Variants in PXDNL observed in about 807,000 individuals in gnomAD.
PXDNL encodes the protein probable oxidoreductase PXDNL.
A neutral mutation model predicts 150.8 loss-of-function variants in PXDNL; 145 were observed. The ratio of observed to expected loss-of-function variants is 0.96; its 90% CI spans 0.84 to 1.10. The LOEUF is 1.10. PXDNL is among the 50% of genes least tolerant of loss of function. The pLI, the probability that PXDNL is intolerant of heterozygous loss-of-function variation, is 0.00. For missense variants in PXDNL, 2,087 were observed against 1,873.9 expected, an observed-to-expected ratio of 1.11 and a Z score of -2.10; for synonymous variants, 757 against 725.7, an observed-to-expected ratio of 1.04 and a Z score of -0.69.
At chr8:51,585,364 A>G (rs1813300396) in intron 3 of PXDNL, among the ~76,000 whole-genome samples, 1 of 152,060 alleles carries the variant, frequency 6.6e-6, no homozygotes, top group South Asian at 2.1e-4. Context: ...CACCTCAGGG[A>G]GGTGTAAAGT....
chr8:51,353,110 A>G (rs895150635), intron 19 of PXDNL, among the ~76,000 whole-genome samples: 7 of 151,676 alleles, frequency 4.6e-5, no homozygotes, highest in Admixed American at 2.6e-4. Flanking sequence ...TCTCTTTGTC[A>G]TTATTGGAAA....
At chr8:51,452,619 C>A (rs1809830477) in intron 10 of PXDNL, among the ~76,000 whole-genome samples, 1 of 152,192 alleles carries the variant, frequency 6.6e-6, no homozygotes, top group Non-Finnish European at 1.5e-5. Flanking sequence ...CCAACCCAGG[C>A]ACTGCACTAG....
At chr8:51,350,341 G>A (rs1806306714) in intron 19 of PXDNL, among the ~76,000 whole-genome samples, 1 of 117,114 alleles carries the variant, frequency 8.5e-6, no homozygotes, top group African/African-American at 3.0e-5. Context: ...TCTTTTATTA[G>A]CAAATGCAGC....
chr8:51,451,323 A>G (rs1809804589), intron 10 of PXDNL, among the ~76,000 whole-genome samples: 1 of 152,206 alleles, frequency 6.6e-6, no homozygotes. Context: ...TGTTTCTAAC[A>G]CTAAAATGAG....
At chr8:51,424,210 A>T (rs968210319) in intron 13 of PXDNL, among the ~76,000 whole-genome samples, 5 of 152,098 alleles carry the variant, frequency 3.3e-5, no homozygotes, top group South Asian at 4.2e-4. Flanking sequence ...AAAAAAAAAT[A>T]GAACAAAAGT....
At chr8:51,777,352 A>T (rs987459106) in intron 1 of PXDNL, among the ~76,000 whole-genome samples, 1 of 152,242 alleles carries the variant, frequency 6.6e-6, no homozygotes, top group Admixed American at 6.5e-5. Context: ...AGTGCTTGGG[A>T]TGACACTTGG....
chr8:51,797,464 C>T (rs138555574), intron 1 of PXDNL, among the ~76,000 whole-genome samples: 16 of 152,200 alleles, frequency 1.1e-4, no homozygotes, highest in African/African-American at 3.9e-4. Context: ...CTGATAAGCC[C>T]CTTTGGCAAA....
intron 1 of PXDNL, among the ~76,000 whole-genome samples, chr8:51,753,175 C>A (rs7016577): frequency 1.3e-5 from 2 of 152,254 alleles, no homozygotes; most frequent in African/African-American, 2.4e-5. Context: ...ATATAGTTTC[C>A]GGAGAAATCA....
At chr8:51,706,174 G>C (rs557616188) in intron 1 of PXDNL, among the ~76,000 whole-genome samples, 43 of 152,130 alleles carry the variant, frequency 2.8e-4, no homozygotes, top group Non-Finnish European at 5.1e-4. Context: ...AGGTGGGCTT[G>C]GTGGAGGGTG....
chr8:51,423,971 T>G (rs1326186551), intron 13 of PXDNL, among the ~76,000 whole-genome samples: 1 of 152,294 alleles, frequency 6.6e-6, no homozygotes, highest in Non-Finnish European at 1.5e-5. Flanking sequence ...AGTTCAATCA[T>G]GTAATTATTT....
chr8:51,447,802 A>T (rs866384464), intron 11 of PXDNL, among the ~76,000 whole-genome samples: 2 of 152,214 alleles, frequency 1.3e-5, no homozygotes, highest in Admixed American at 1.3e-4. Context: ...TGGAAAAAGG[A>T]ATAGCTAACC....
chr8:51,623,547 T>C (rs1814301247), intron 2 of PXDNL, among the ~76,000 whole-genome samples: 1 of 152,192 alleles, frequency 6.6e-6, no homozygotes, highest in Admixed American at 6.5e-5. Context: ...AATTATGCAT[T>C]CTCTGCCCTC....
At chr8:51,529,973 A>C (rs932525664) in intron 4 of PXDNL, among the ~76,000 whole-genome samples, 2 of 152,194 alleles carry the variant, frequency 1.3e-5, no homozygotes, top group Non-Finnish European at 2.9e-5. Flanking sequence ...ATGCATCAGC[A>C]TTGTTAAATG....
chr8:51,458,757 T>C (rs1362503337), intron 8 of PXDNL, among the ~76,000 whole-genome samples: 2 of 152,220 alleles, frequency 1.3e-5, no homozygotes, highest in African/African-American at 4.8e-5. Flanking sequence ...GTAAAAACAG[T>C]AAAGTTTGTT....
chr8:51,551,720 T>C (rs972843117), intron 4 of PXDNL, among the ~76,000 whole-genome samples: 1 of 152,116 alleles, frequency 6.6e-6, no homozygotes, highest in African/African-American at 2.4e-5. Context: ...ACCATAAAAA[T>C]TCTAGAAGAT....
intron 14 of PXDNL, among the ~76,000 whole-genome samples, chr8:51,419,113 C>T (rs1457184245): frequency 6.6e-6 from 1 of 152,126 alleles, no homozygotes; most frequent in Non-Finnish European, 1.5e-5. Context: ...CAGTTTTTAA[C>T]ATGAGGAATT....
intron 1 of PXDNL, among the ~76,000 whole-genome samples, chr8:51,724,039 G>A (rs1027247039): frequency 6.6e-6 from 1 of 150,846 alleles, no homozygotes; most frequent in Admixed American, 6.6e-5. Context: ...AGGGAGGCAT[G>A]GAGCGGAACA....
At chr8:51,637,865 T>A (rs1011597159) in intron 2 of PXDNL, among the ~76,000 whole-genome samples, 24 of 152,052 alleles carry the variant, frequency 1.6e-4, no homozygotes, top group African/African-American at 5.5e-4. Context: ...ACAAAGATAC[T>A]CCTCAAGAAG....
chr8:51,389,830 T>C (rs535223182), intron 17 of PXDNL, among the ~76,000 whole-genome samples: 16 of 152,270 alleles, frequency 1.1e-4, no homozygotes, highest in African/African-American at 3.9e-4. Context: ...AAACTGCCAG[T>C]GAAAAGAGGC....
Sources: gnomAD v4.1 joint callset for allele counts (sites outside exome capture counted in the v4.1 genomes callset) on GRCh38, gnomAD v4.1.1 for gene constraint, MANE v1.5 for transcripts, NCBI Gene and HGNC (gene_info 2026-07-23, HGNC 2026-07-21) for gene names.